The following HDAC8 variants were observed in gnomAD, a reference collection of about 807,000 sequenced individuals.
HDAC8 encodes the protein histone deacetylase 8.
In HDAC8, 1 loss-of-function variant was observed where a neutral mutation model predicts 32.2. That is an observed-to-expected ratio of 0.03 (90% confidence interval 0.01 to 0.15). HDAC8 has a LOEUF of 0.15. Among genes scored for constraint, HDAC8 ranks in the 10% least tolerant of loss-of-function variants. The pLI is 1.00. For synonymous variants in HDAC8, 108 were observed against 113.9 expected, an observed-to-expected ratio of 0.95 and a Z score of 0.33; for missense variants, 117 against 300.0, an observed-to-expected ratio of 0.39 and a Z score of 4.51.
chrX:72,505,083 A>T (rs1432277928), intron 4 of HDAC8, among the ~76,000 whole-genome samples: 2 of 110,159 alleles, frequency 1.8e-5, no homozygotes, highest in African/African-American at 6.6e-5. Flanking sequence ...AAATTTAAAA[A>T]TTTTTTAATT....
rs782221167 is a variant in HDAC8 at position 72,455,810 on chromosome X, C to A, written c.1005+6194G>T. On this transcript the variant is annotated intron_variant, in intron 9 of 10. Transcript: ENST00000373573. The stretch of plus-strand genomic sequence containing the variant: ...TGGAATATTTGCATAACTTAGTGAA[C>A]TAATATTTTCCAAATAACCAATATG... Among the ~76,000 whole-genome samples the A allele has an allele frequency of 1.7e-3, 185 of 111,520 alleles. 1 individual carries two copies. The highest frequency in any genetic ancestry group is 5.6e-3 in the African/African-American group (173 of 30,741).
rs2052147117 is a variant in HDAC8, at chrX:72,572,696, G to C, written c.66C>G (p.Pro22=). 8.5e-7 allele frequency: 1 copy of C among 1,174,831 alleles called. No individual in the cohort carries two copies. Among genetic ancestry groups the C allele is most frequent in the Non-Finnish European group, 1.1e-6 (1 of 876,131 alleles). The change falls in exon 1 of 11, where the codon CCC becomes CCG. Residue 22 remains proline, a synonymous_variant. Transcript: ENST00000373573. The part of the protein sequence containing the change: ...QSLVPVYIYS[P]EYVSMCDSLA... ...GGGAGTCACACATACTGACATACTCGGGACTATAGATATAAACCGGGACCA... is the reference window on the plus strand; with the variant it reads ...GGGAGTCACACATACTGACATACTCCGGACTATAGATATAAACCGGGACCA...
At chrX:72,542,390 A>G (rs781820594) in intron 4 of HDAC8, among the ~76,000 whole-genome samples, 1 of 112,233 alleles carries the variant, frequency 8.9e-6, no homozygotes, top group South Asian at 3.7e-4. Flanking sequence ...TCACTCCATT[A>G]CCACCCAGCT....
At chrX:72,558,842 T>C (rs2051379110) in intron 4 of HDAC8, among the ~76,000 whole-genome samples, 1 of 110,340 alleles carries the variant, frequency 9.1e-6, no homozygotes, top group African/African-American at 3.3e-5. Context: ...TAGAAAACCC[T>C]GAAGACTCAT....
At chrX:72,530,081 C>T (rs1004936046) in intron 4 of HDAC8, among the ~76,000 whole-genome samples, 5 of 112,277 alleles carry the variant, frequency 4.5e-5, no homozygotes, top group African/African-American at 1.6e-4. Context: ...ATTACCCAGT[C>T]TCAGTTAGTT....
chrX:72,568,480 C>T (rs2051885668), intron 3 of HDAC8, among the ~76,000 whole-genome samples: 1 of 112,494 alleles, frequency 8.9e-6, no homozygotes, highest in African/African-American at 3.2e-5. Flanking sequence ...TATAAGGTCA[C>T]AGGACAGCTA....
chrX:72,438,006 GCCT>G (rs782004480), intron 9 of HDAC8, among the ~76,000 whole-genome samples: 1 of 112,259 alleles, frequency 8.9e-6, no homozygotes, highest in African/African-American at 3.2e-5. Flanking sequence ...GGGTCAGACT[GCCT>G]CCTCAAGTGG....
chrX:72,474,489 G>T, intron 7 of HDAC8: 1 of 1,062,900 alleles, frequency 9.4e-7, no homozygotes, highest in Non-Finnish European at 1.2e-6. Context: ...TTAATTTTTC[G>T]TTTTGTGAAA....
intron 4 of HDAC8, among the ~76,000 whole-genome samples, chrX:72,521,218 T>G (rs1399057273): frequency 9.0e-6 from 1 of 111,493 alleles, no homozygotes; most frequent in Non-Finnish European, 1.9e-5. Flanking sequence ...AACAGTGATT[T>G]TTTTTTTAGT....
chrX:72,475,583 G>T (rs1260960928), intron 7 of HDAC8, among the ~76,000 whole-genome samples: 1 of 111,797 alleles, frequency 8.9e-6, no homozygotes, highest in Non-Finnish European at 1.9e-5. Context: ...ATTACAAATG[G>T]TTCAGGGATG....
chrX:72,557,800 T>C (rs1569403082), intron 4 of HDAC8, among the ~76,000 whole-genome samples: 1 of 111,520 alleles, frequency 9.0e-6, no homozygotes, highest in Non-Finnish European at 1.9e-5. Context: ...AGCAAAACGC[T>C]GGTTCTTTTA....
At chrX:72,500,736 C>G (rs1405189297) in intron 4 of HDAC8, among the ~76,000 whole-genome samples, 4 of 112,079 alleles carry the variant, frequency 3.6e-5, no homozygotes, top group Non-Finnish European at 7.5e-5. Context: ...CTCTCTCTCA[C>G]AACTCCTATT....
chrX:72,567,747 T>A, intron 4 of HDAC8, 142 bp downstream of exon 4: 1 of 1,211,218 alleles, frequency 8.3e-7, no homozygotes. Flanking sequence ...TCTATTTCAC[T>A]TGGATTTCTT....
chrX:72,507,064 G>A (rs2049415583), intron 4 of HDAC8, among the ~76,000 whole-genome samples: 1 of 110,692 alleles, frequency 9.0e-6, no homozygotes, highest in South Asian at 3.9e-4. Flanking sequence ...GCCCAGGCTG[G>A]CCTCGAACTC....
chrX:72,349,586 A>G (rs1555948095), intron 10 of HDAC8, among the ~76,000 whole-genome samples: 1 of 112,353 alleles, frequency 8.9e-6, no homozygotes, highest in Non-Finnish European at 1.9e-5. Context: ...CTTGACTTCC[A>G]TGTAATTTTC....
chrX:72,469,980 C>T (rs895523931), intron 7 of HDAC8, among the ~76,000 whole-genome samples: 1 of 109,968 alleles, frequency 9.1e-6, no homozygotes, highest in Non-Finnish European at 1.9e-5. Context: ...GAAACCTCAT[C>T]TCTACTAAAA....
At chrX:72,481,754 C>T (rs1411097659) in intron 7 of HDAC8, among the ~76,000 whole-genome samples, 6 of 108,889 alleles carry the variant, frequency 5.5e-5, no homozygotes, top group African/African-American at 1.7e-4. Context: ...TAGGTGCGCA[C>T]CTATAATCCC....
intron 9 of HDAC8, among the ~76,000 whole-genome samples, chrX:72,443,128 G>A (rs1214076279): frequency 6.3e-5 from 7 of 110,588 alleles, no homozygotes; most frequent in Admixed American, 9.7e-5. Flanking sequence ...ACAGATCAGC[G>A]AGACAGAAAG....
chrX:72,542,457 C>T (rs1283370418), intron 4 of HDAC8, among the ~76,000 whole-genome samples: 1 of 112,270 alleles, frequency 8.9e-6, no homozygotes, highest in Non-Finnish European at 1.9e-5. Flanking sequence ...TACCTATAAT[C>T]AGATTATATC....
Sources: gnomAD v4.1 joint callset for allele counts (sites outside exome capture counted in the v4.1 genomes callset) on GRCh38, gnomAD v4.1.1 for gene constraint, MANE v1.5 for transcripts, NCBI Gene and HGNC (gene_info 2026-07-23, HGNC 2026-07-21) for gene names.